Variants in SCARA3 observed in about 807,000 individuals in gnomAD.
The protein encoded by SCARA3 is cellular stress response gene protein.
A neutral mutation model predicts 47.0 loss-of-function variants in SCARA3; 39 were observed. The observed-to-expected ratio is 0.83, with a 90% CI of 0.64 to 1.08. The LOEUF is 1.08. Ranked by LOEUF, SCARA3 falls within the 50% of genes least tolerant of loss-of-function variation. The pLI is 0.00. For missense variants in SCARA3, 724 were observed against 792.3 expected, an observed-to-expected ratio of 0.91 and a Z score of 1.04; for synonymous variants, 356 against 334.1, an observed-to-expected ratio of 1.07 and a Z score of -0.71.
chr8:27,695,079 G>C, the SCARA3 span, among the ~76,000 whole-genome samples: 3 of 152,124 alleles, frequency 2.0e-5, no homozygotes, highest in African/African-American at 7.2e-5. Context: ...GAAGCCCTGG[G>C]GATATTGGAG....
At chr8:27,686,379 G>A in the SCARA3 span, among the ~76,000 whole-genome samples, 6 of 152,068 alleles carry the variant, frequency 3.9e-5, no homozygotes, top group Admixed American at 3.9e-4. Flanking sequence ...GGGAGGTCGA[G>A]GCTGCAGTGA....
At chr8:27,688,112 T>C in the SCARA3 span, among the ~76,000 whole-genome samples, 1 of 152,168 alleles carries the variant, frequency 6.6e-6, no homozygotes, top group Non-Finnish European at 1.5e-5. Context: ...GTAGGAGCTG[T>C]TCCAAGAAAC....
intron 5 of SCARA3, among the ~76,000 whole-genome samples, chr8:27,670,047 G>A (rs559529505): frequency 6.6e-6 from 1 of 152,072 alleles, no homozygotes; most frequent in African/African-American, 2.4e-5. Context: ...CCCTGTCCTC[G>A]GCACTAGACA....
downstream of SCARA3, among the ~76,000 whole-genome samples, chr8:27,678,788 A>G (rs1802315260): frequency 6.6e-6 from 1 of 152,242 alleles, no homozygotes; most frequent in South Asian, 2.1e-4. Context: ...ATATAGAAGT[A>G]AAAGCTTTAA....
Position 27,671,608 on chromosome 8 carries a change from ACATG to A in SCARA3, c.*264_*267del. 2 of 1,211,534 alleles carry A rather than the reference ACATG, an allele frequency of 1.7e-6. No individual in the cohort carries two copies. Among genetic ancestry groups the A allele is most frequent in the Non-Finnish European group, 1.0e-6 (1 of 973,108 alleles). 75.0% of individuals were successfully genotyped at this position (1,211,534 alleles called of 1,614,324 possible). ...CACATACACGCACATGCACACATACACATGCATGCACACATACACAGGCATACAT... is the reference window on the plus strand; with the variant it reads ...CACATACACGCACATGCACACATACACATGCACACATACACAGGCATACAT... On this transcript the variant is annotated 3_prime_UTR_variant, in exon 6 of 6. Coordinates refer to ENST00000301904, the MANE Select transcript of SCARA3 (RefSeq NM_016240.3).
At chr8:27,640,882 A>C (rs495153) in intron 1 of SCARA3, among the ~76,000 whole-genome samples, 36,071 of 152,116 alleles carry the variant, frequency 0.24, 5,270 homozygotes, top group Middle Eastern at 0.4. Flanking sequence ...TTTTTTGTAG[A>C]GATGAGGTTT....
At chr8:27,711,810 C>T in the SCARA3 span, among the ~76,000 whole-genome samples, 1 of 152,002 alleles carries the variant, frequency 6.6e-6, no homozygotes, top group Non-Finnish European at 1.5e-5. Context: ...TACAGAGTTC[C>T]CATATACTCC....
At chr8:27,660,827 AAGATAGCTAGCTAGCT>A (rs765571924) in intron 5 of SCARA3, among the ~76,000 whole-genome samples, 1,259 of 88,932 alleles carry the variant, frequency 0.014, 13 homozygotes, top group East Asian at 0.034. Context: ...ATATAGATAG[AAGATAGCTAGCTAGCT>A]AGATAGATAG....
chr8:27,700,806 GCAA>G, the SCARA3 span, among the ~76,000 whole-genome samples: 23 of 152,174 alleles, frequency 1.5e-4, no homozygotes, highest in Non-Finnish European at 8.8e-5. Context: ...AGGATGTGGA[GCAA>G]CGAGAACTCT....
chr8:27,719,032 A>G, the SCARA3 span, among the ~76,000 whole-genome samples: 17 of 152,362 alleles, frequency 1.1e-4, no homozygotes, highest in Admixed American at 4.6e-4. Flanking sequence ...CTCTGCCTGC[A>G]AGAAGAAATG....
intron 5 of SCARA3, among the ~76,000 whole-genome samples, chr8:27,660,416 ATGAT>A (rs370354010): frequency 4.9e-4 from 75 of 151,870 alleles, no homozygotes; most frequent in African/African-American, 1.5e-3. Flanking sequence ...GGATATATAG[ATGAT>A]TGATTGATTG....
chr8:27,645,942 A>G (rs1215507665), intron 1 of SCARA3, among the ~76,000 whole-genome samples: 2 of 152,210 alleles, frequency 1.3e-5, no homozygotes, highest in Non-Finnish European at 2.9e-5. Context: ...TTGGTATAAC[A>G]TGAACATAAT....
At chr8:27,691,577 GT>G in the SCARA3 span, among the ~76,000 whole-genome samples, 1 of 152,080 alleles carries the variant, frequency 6.6e-6, no homozygotes, top group Admixed American at 6.5e-5. Flanking sequence ...AAGTCCCTCC[GT>G]CTGCTGCATT....
the SCARA3 span, among the ~76,000 whole-genome samples, chr8:27,691,193 G>A: frequency 9.6e-6 from 1 of 104,510 alleles, no homozygotes; most frequent in Non-Finnish European, 2.5e-5. Context: ...AAGGCAGGCT[G>A]CCTTTCCAAA....
rs1801827793 is a variant in SCARA3, at chr8:27,659,032, C to G, written c.862C>G (p.Gln288Glu). The G allele has an allele frequency of 6.2e-7, 1 of 1,614,024 alleles. No individual in the cohort carries two copies. The highest frequency in any genetic ancestry group is 1.3e-5 in the African/African-American group (1 of 74,908). Residue 288 changes from glutamine (Q) to glutamate (E), a missense_variant, in exon 5 of 6, where the codon CAG (glutamine) becomes GAG (glutamate). Physicochemically the swap from Gln to Glu is conservative, Grantham distance 29. Transcript: ENST00000301904. ...NIQATLGASS[Q>E]RISQNSESMH... ...CCAGGCCACCCTGGGGGCCTCCTCACAGCGCATCAGCCAGAACTCAGAGAG... is the reference window on the plus strand; with the variant it reads ...CCAGGCCACCCTGGGGGCCTCCTCAGAGCGCATCAGCCAGAACTCAGAGAG...
At chr8:27,711,367 C>G in the SCARA3 span, among the ~76,000 whole-genome samples, 2 of 152,166 alleles carry the variant, frequency 1.3e-5, no homozygotes, top group Admixed American at 1.3e-4. Context: ...CATTTCAATC[C>G]ATTGCACTTA....
At chr8:27,732,452 C>A in the SCARA3 span, among the ~76,000 whole-genome samples, 1 of 152,006 alleles carries the variant, frequency 6.6e-6, no homozygotes, top group African/African-American at 2.4e-5. Context: ...AGCTCACAGC[C>A]CCTCCAAAAA....
chr8:27,693,327 T>G, the SCARA3 span, among the ~76,000 whole-genome samples: 2 of 152,188 alleles, frequency 1.3e-5, no homozygotes, highest in African/African-American at 4.8e-5. Flanking sequence ...TAGGACCTCT[T>G]GAGACTGTGC....
chr8:27,672,108 G>A lies in SCARA3; in HGVS notation c.*757G>A, dbSNP rs956245691. 6 of 985,468 alleles carry A rather than the reference G, an allele frequency of 6.1e-6. No individual in the cohort carries two copies. The highest frequency in any genetic ancestry group is 6.0e-6 in the Non-Finnish European group (5 of 829,962). The allele number at this position is 985,468 out of a possible 1,614,324, so 61.0% of individuals were successfully genotyped here. On this transcript the variant is annotated 3_prime_UTR_variant, in exon 6 of 6. Transcript: ENST00000301904. ...GGCAACCACAAGACCCTCCCCATAA[G>A]CAGGGGACCAGCATACCCGGGAGCT... is the stretch of plus-strand genomic sequence containing the variant.
Sources: gnomAD v4.1 joint callset for allele counts (sites outside exome capture counted in the v4.1 genomes callset) on GRCh38, gnomAD v4.1.1 for gene constraint, MANE v1.5 for transcripts, NCBI Gene and HGNC (gene_info 2026-07-23, HGNC 2026-07-21) for gene names.